Variants in POTEI observed in about 807,000 individuals in gnomAD.
POTEI encodes POTE ankyrin domain family member I.
POTEI carries 14 observed loss-of-function variants against 43.4 expected under a neutral mutation model. The observed-to-expected ratio is 0.32, with a 90% CI of 0.21 to 0.50. The LOEUF is 0.50. Among genes scored for constraint, POTEI ranks in the 20% least tolerant of loss-of-function variants. The pLI, the probability that POTEI is intolerant of heterozygous loss-of-function variation, is 0.98. For missense variants in POTEI, 235 were observed against 795.4 expected, an observed-to-expected ratio of 0.30 and a Z score of 8.47; for synonymous variants, 95 against 297.9, an observed-to-expected ratio of 0.32 and a Z score of 7.01.
chr2:130,477,753 T>C (rs1389457397), intron 10 of POTEI, among the ~76,000 whole-genome samples: 25 of 141,086 alleles, frequency 1.8e-4, no homozygotes, highest in Non-Finnish European at 9.0e-5. Flanking sequence ...CTGTCAGAGA[T>C]GGCTTTTCTA....
chr2:130,508,680 G>C (rs1388840978), intron 1 of POTEI, 35 bp downstream of exon 1: 3 of 794,276 alleles, frequency 3.8e-6, no homozygotes, highest in Non-Finnish European at 5.4e-6. Flanking sequence ...ATCATCCCCC[G>C]ACCTCCCACC....
At chr2:130,468,711 G>GT (rs1358903782) in intron 13 of POTEI, among the ~76,000 whole-genome samples, 20 of 149,980 alleles carry the variant, frequency 1.3e-4, no homozygotes, top group African/African-American at 3.4e-4. Flanking sequence ...ATTGGGGGGG[G>GT]GGGTATCCTT....
chr2:130,495,589 G>C (rs1455299030), intron 6 of POTEI, among the ~76,000 whole-genome samples: 3 of 41,220 alleles, frequency 7.3e-5, no homozygotes, highest in African/African-American at 1.8e-4. Context: ...TAAATTAAAG[G>C]TGTCCTCATA....
At chr2:130,506,308 C>CAG (rs1370300326) in intron 1 of POTEI, among the ~76,000 whole-genome samples, 1 of 14,294 alleles carries the variant, frequency 7.0e-5, no homozygotes, top group African/African-American at 1.6e-4. Flanking sequence ...CTAAGAAAAA[C>CAG]ACATCTATTT....
At chr2:130,466,673 CA>C (rs1682843438) in intron 13 of POTEI, among the ~76,000 whole-genome samples, 1 of 26,720 alleles carries the variant, frequency 3.7e-5, no homozygotes, top group Non-Finnish European at 8.3e-5. Context: ...CTAGGCAGAG[CA>C]ATTGGGCAAG....
Position 130,508,949 on chromosome 2 carries a change from C to G in POTEI, c.287G>C (p.Ser96Thr). The change falls in exon 1 of 15, where the codon AGC becomes ACC. Residue 96 changes from serine (S) to threonine (T), a missense_variant. Transcript: ENST00000451531. ...HDDSAMKTLR[S>T]KMGKWCCHCF... The stretch of plus-strand genomic sequence containing the variant: ...GTGGCAGCACCACTTGCCCATCTTG[C>G]TCCTGAGCGTCTTCATAGCGGAGTC... The G allele has an allele frequency of 1.3e-6, 2 of 1,590,878 alleles. No homozygotes were observed. Among genetic ancestry groups the G allele is most frequent in the Admixed American group, 1.7e-5 (1 of 58,488 alleles).
At position 130,463,628 on chromosome 2, in the gene POTEI, T is replaced by A. The variant is rs1469738401; in HGVS notation, c.2416A>T (p.Thr806Ser). Residue 806 changes from threonine to serine, a missense_variant, in exon 15 of 15, where the codon ACC (threonine) becomes TCC (serine). By Grantham distance (58) the Thr-to-Ser change is moderately conservative (BLOSUM62 1). Transcript: ENST00000451531. ...VAPEEHPILL[T>S]EAPLNPKANR... ...GCCTTGGGGTTCAGGGGGGCCTCGGTCAGCAGGATGGGGTGCTCCTCAGGG... is the reference window on the plus strand; with the variant it reads ...GCCTTGGGGTTCAGGGGGGCCTCGGACAGCAGGATGGGGTGCTCCTCAGGG... 6.2e-7 allele frequency: 1 copy of A among 1,606,892 alleles called. No individual in the cohort carries two copies. The highest frequency in any genetic ancestry group is 1.4e-5 in the African/African-American group (1 of 71,802).
At chr2:130,492,876 G>C (rs1202407702) in intron 6 of POTEI, among the ~76,000 whole-genome samples, 1 of 151,054 alleles carries the variant, frequency 6.6e-6, no homozygotes, top group East Asian at 2.0e-4. Context: ...CATTGCGTTT[G>C]AGTCAGCAAT....
At chr2:130,479,322 T>A (rs911962103) in intron 10 of POTEI, among the ~76,000 whole-genome samples, 2 of 149,272 alleles carry the variant, frequency 1.3e-5, no homozygotes, top group African/African-American at 5.0e-5. Context: ...AAGGCCAACA[T>A]AGTAAAATGA....
intron 6 of POTEI, among the ~76,000 whole-genome samples, chr2:130,492,892 G>A (rs554451787): frequency 1.3e-5 from 2 of 151,446 alleles, no homozygotes; most frequent in African/African-American, 4.9e-5. Flanking sequence ...GCAATCTTTA[G>A]ATTTCTATCT....
chr2:130,468,783 A>G (rs1281226080), intron 13 of POTEI, among the ~76,000 whole-genome samples: 9 of 152,144 alleles, frequency 5.9e-5, no homozygotes, highest in African/African-American at 2.2e-4. Flanking sequence ...ATTACTTATG[A>G]TTTTGTTTGA....
At chr2:130,483,467 C>A (rs569166474) in intron 9 of POTEI, among the ~76,000 whole-genome samples, 14 of 144,140 alleles carry the variant, frequency 9.7e-5, no homozygotes, top group African/African-American at 3.2e-4. Flanking sequence ...AGTGAATAAC[C>A]ACAATATTGG....
At chr2:130,468,500 C>T (rs1270621025) in intron 13 of POTEI, among the ~76,000 whole-genome samples, 5 of 151,970 alleles carry the variant, frequency 3.3e-5, no homozygotes, top group South Asian at 2.1e-4. Flanking sequence ...CTTCATAAGG[C>T]GGCGGGAGAG....
At chr2:130,493,692 G>T (rs1431834445) in intron 6 of POTEI, among the ~76,000 whole-genome samples, 1 of 36,970 alleles carries the variant, frequency 2.7e-5, no homozygotes, top group African/African-American at 7.9e-5. Flanking sequence ...TCATATTGAC[G>T]ATACCTCTCT....
At chr2:130,479,272 G>GAA (rs532562563) in intron 10 of POTEI, among the ~76,000 whole-genome samples, 1 of 149,008 alleles carries the variant, frequency 6.7e-6, no homozygotes, top group African/African-American at 2.6e-5. Context: ...TTTCTTACAG[G>GAA]AAAAAAAAAT....
At chr2:130,477,357 G>T (rs910331247) in intron 10 of POTEI, among the ~76,000 whole-genome samples, 3 of 145,682 alleles carry the variant, frequency 2.1e-5, no homozygotes, top group Non-Finnish European at 4.5e-5. Context: ...TTTCACCATT[G>T]GACAGGATGG....
chr2:130,507,372 GTATATATACATATGTA>G lies in POTEI; in HGVS notation c.521+1327_521+1342del, dbSNP rs1684211343. On this transcript the variant is annotated intron_variant, in intron 1 of 14. Transcript: ENST00000451531. ...TATATATATACACACACATATATAT[GTATATATACATATGTA>G]TATATATGTATATATGTGTATATAT... 5.3e-4 allele frequency among the ~76,000 whole-genome samples: 4 copies of G among 7,570 alleles called. 1 individual carries two copies. In the South Asian group the frequency reaches 0.032, roughly 60 times the overall value. 5.0% of individuals were successfully genotyped at this position (7,570 alleles called of 152,430 possible). A position where few individuals can be genotyped will look rare whatever the true frequency, so the allele number is the denominator to read the frequency against.
At chr2:130,496,691 G>C (rs1837317) in intron 5 of POTEI, 69 bp from the exon 6 acceptor site, 2 of 1,506,584 alleles carry the variant, frequency 1.3e-6, no homozygotes, top group Admixed American at 4.0e-5. Flanking sequence ...ACCAAATGTA[G>C]AATTATTAAG....
Position 130,461,660 on chromosome 2 carries a change from G to A in POTEI, c.*1156C>T, listed in dbSNP as rs1239389357. The A allele has an allele frequency of 6.6e-6, 1 of 151,746 alleles. No homozygotes were observed. Among genetic ancestry groups the A allele is most frequent in the Non-Finnish European group, 1.5e-5 (1 of 67,974 alleles). The allele number at this position is 151,746 out of a possible 1,614,324, so 9.4% of individuals were successfully genotyped here. ...CAAGGAATGCTGGTGGGGGTAGCTG[G>A]AGGCCCCAGTTGGGAGGTCCTGTCC... On this transcript the variant is annotated 3_prime_UTR_variant, in exon 15 of 15. Transcript: ENST00000451531.
Sources: gnomAD v4.1 joint callset for allele counts (sites outside exome capture counted in the v4.1 genomes callset) on GRCh38, gnomAD v4.1.1 for gene constraint, MANE v1.5 for transcripts, NCBI Gene and HGNC (gene_info 2026-07-23, HGNC 2026-07-21) for gene names.